The following FMNL1 variants were observed in gnomAD, a reference collection of about 807,000 sequenced individuals.
FMNL1 encodes the protein formin-like protein 1.
Under a neutral mutation model 121.3 loss-of-function variants are expected in FMNL1, and 43 were observed. The ratio of observed to expected loss-of-function variants is 0.35; its 90% CI spans 0.28 to 0.46. The LOEUF (loss-of-function observed/expected upper bound fraction) is 0.46, where lower values mean the gene tolerates loss of function less well. Ranked by LOEUF, FMNL1 falls within the 20% of genes least tolerant of loss-of-function variation. The probability of loss-of-function intolerance (pLI) is 1.00; values close to 1 mark genes in which losing one functional copy is unlikely to be tolerated. For synonymous variants in FMNL1, 613 were observed against 613.5 expected (o/e 1.00, Z 0.01); for missense variants, 1,191 against 1,482.4 (o/e 0.80, Z 3.23).
In FMNL1 at chr17:45,245,671, C is replaced by T. The variant is rs1316660672; in HGVS notation, c.2932C>T (p.Pro978Ser). The change falls in exon 23 of 27, where the codon CCC becomes TCC. Residue 978 changes from proline (P) to serine (S), a missense_variant. By Grantham distance (74) the Pro-to-Ser change is moderately conservative. Around this residue, in one of 4 missense-constraint regions of FMNL1, gnomAD observed 367 missense variants for 528.6 expected, o/e 0.69. Coordinates refer to ENST00000331495, the MANE Select transcript of FMNL1 (RefSeq NM_005892.4). ...ESVVEYFGEN[P>S]KTTSPGLFFS... is the part of the protein sequence containing the mutation. ...TGTGGTGGAGTACTTCGGAGAGAACCCCAAGACCACATCCCCAGGCCTGTT... is the reference window on the plus strand; with the variant it reads ...TGTGGTGGAGTACTTCGGAGAGAACTCCAAGACCACATCCCCAGGCCTGTT... 6.2e-7 allele frequency: 1 copy of T among 1,614,012 alleles called. No homozygotes were observed. The highest frequency in any genetic ancestry group is 8.5e-7 in the Non-Finnish European group (1 of 1,179,996).
intron 2 of FMNL1, 84 bp downstream of exon 2, chr17:45,230,771 G>A: frequency 3.5e-6 from 5 of 1,422,294 alleles, no homozygotes; most frequent in Non-Finnish European, 4.8e-6. Flanking sequence ...GGGGAGAGGG[G>A]CACCGCCATA....
In FMNL1 at chr17:45,247,038, G is replaced by T. The variant is rs41280090; in HGVS notation, c.*180G>T. The T allele has an allele frequency of 6.4e-3, 4,204 of 651,878 alleles. 28 individuals are homozygous for T. The highest frequency in any genetic ancestry group is 0.015 in the Admixed American group (659 of 45,320). The allele number at this position is 651,878 out of a possible 1,614,324, so 40.4% of individuals were successfully genotyped here. ...GGACAGGCTGAGGCTCAAGGAAGGTGGTCCTCAGCTCGGCTGGCCGGGCAG... is the reference window on the plus strand; with the variant it reads ...GGACAGGCTGAGGCTCAAGGAAGGTTGTCCTCAGCTCGGCTGGCCGGGCAG... On this transcript the variant is annotated 3_prime_UTR_variant, in exon 27 of 27. Transcript: ENST00000331495.
In FMNL1 at chr17:45,245,379, C is replaced by T; in HGVS notation, c.2855C>T (p.Thr952Ile). 2 of 1,614,198 alleles carry T rather than the reference C, an allele frequency of 1.2e-6. No individual in the cohort carries two copies. Among genetic ancestry groups the T allele is most frequent in the Non-Finnish European group, 1.7e-6 (2 of 1,180,030 alleles). The change falls in exon 22 of 27, where the codon ACC (threonine) becomes ATC (isoleucine). Residue 952 changes from threonine to isoleucine, a missense_variant. Thr to Ile is a moderately conservative substitution (Grantham distance 89, BLOSUM62 -1). Coordinates refer to ENST00000331495, the MANE Select transcript of FMNL1 (RefSeq NM_005892.4). ...GAGTTCCTGAGGGCCAACTCGCCCA[C>T]CATGGACAAGCTGCTGGCAGACAGC... Reference protein sequence around the residue: ...LKEFLRANSPTMDKLLADSKT... With the variant: ...LKEFLRANSPIMDKLLADSKT...
At position 45,242,351 on chromosome 17, in the gene FMNL1, C is replaced by T. The variant is rs570035270; in HGVS notation, c.1896C>T (p.Ala632=). The T allele has an allele frequency of 1.2e-6, 2 of 1,613,998 alleles. No individual in the cohort carries two copies. The highest frequency in any genetic ancestry group is 2.2e-5 in the South Asian group (2 of 91,066). Residue 632 remains alanine, a synonymous_variant, in exon 16 of 27, where the codon GCC becomes GCT. Transcript: ENST00000331495. The stretch of plus-strand genomic sequence containing the variant: ...AAACCCCCGTCCCAGGAGTGAAGGC[C>T]AAGAAGCCCATCCAGACTAAGTTCC... ...RDSELGPGVK[A]KKPIQTKFRM... is the part of the protein sequence containing the mutation.
intron 11 of FMNL1, among the ~76,000 whole-genome samples, chr17:45,239,842 C>T (rs1430869611): frequency 6.9e-6 from 1 of 144,340 alleles, no homozygotes; most frequent in South Asian, 2.1e-4. Flanking sequence ...GTTGCCCAGG[C>T]TAGAGTGCAG....
At position 45,244,162 on chromosome 17, in the gene FMNL1, C is replaced by A. The variant is rs759658007; in HGVS notation, c.2449-14C>A. The A allele has an allele frequency of 1.9e-6, 3 of 1,612,484 alleles. No individual in the cohort carries two copies. The highest frequency in any genetic ancestry group is 1.7e-6 in the Non-Finnish European group (2 of 1,179,386). ...AGGCTCCAACTTATCTTACCTCCCC[C>A]ATCCCACCCCCAGCAACTGAATGCC... is the stretch of plus-strand genomic sequence containing the variant. On this transcript the variant is annotated splice_polypyrimidine_tract_variant and intron_variant, in intron 18 of 26. Coordinates refer to ENST00000331495, the MANE Select transcript of FMNL1 (RefSeq NM_005892.4).
At chr17:45,234,259 G>A (rs780849007) in intron 6 of FMNL1, 59 bp downstream of exon 6, 4 of 1,612,130 alleles carry the variant, frequency 2.5e-6, no homozygotes, top group Non-Finnish European at 3.4e-6. Flanking sequence ...CCACACTGCT[G>A]CATCTAGCCA....
At chr17:45,224,127 A>G (rs908681079) in intron 1 of FMNL1, among the ~76,000 whole-genome samples, 7 of 152,170 alleles carry the variant, frequency 4.6e-5, no homozygotes, top group African/African-American at 1.7e-4. Flanking sequence ...CCAGGTGCCC[A>G]GGAACCCCAG....
chr17:45,238,871 G>A, intron 10 of FMNL1, 84 bp from the exon 11 acceptor site: 2 of 1,225,768 alleles, frequency 1.6e-6, no homozygotes, highest in Non-Finnish European at 1.2e-6. Flanking sequence ...GGAGAAGGAG[G>A]GAGGCTTGGG....
chr17:45,233,036 G>T lies in FMNL1; in HGVS notation c.328-188G>T. ...GTACCCTGCTTGTCTATGTATGGGGGAGCACATGTAGCCTGTGAGTTCTTA... is the reference window on the plus strand; with the variant it reads ...GTACCCTGCTTGTCTATGTATGGGGTAGCACATGTAGCCTGTGAGTTCTTA... On this transcript the variant is annotated intron_variant, in intron 3 of 26. Coordinates refer to ENST00000331495, the MANE Select transcript of FMNL1 (RefSeq NM_005892.4). The surrounding 1 kb of genome is among the most constrained non-coding windows in gnomAD (Gnocchi z 4.1). The T allele has an allele frequency of 1.5e-6, 1 of 685,952 alleles. No individual in the cohort carries two copies. The highest frequency in any genetic ancestry group is 2.7e-6 in the Non-Finnish European group (1 of 375,386). 42.5% of individuals were successfully genotyped at this position (685,952 alleles called of 1,614,324 possible).
intron 1 of FMNL1, among the ~76,000 whole-genome samples, chr17:45,223,605 C>T (rs528969843): frequency 6.6e-6 from 1 of 152,128 alleles, no homozygotes; most frequent in Non-Finnish European, 1.5e-5. Flanking sequence ...CCCTGCTCCC[C>T]GCTCCCCAAG....
At chr17:45,228,132 G>A (rs1430273395) in intron 1 of FMNL1, among the ~76,000 whole-genome samples, 3 of 152,166 alleles carry the variant, frequency 2.0e-5, no homozygotes, top group Non-Finnish European at 2.9e-5. Flanking sequence ...ACTCCACCCC[G>A]AGTGAGTGGC....
At chr17:45,238,259 G>A (rs2043595143) in intron 9 of FMNL1, 1 of 323,860 alleles carries the variant, frequency 3.1e-6, no homozygotes, top group Non-Finnish European at 5.8e-6. Flanking sequence ...CTGAGCAAGT[G>A]AGATTTCAGC....
chr17:45,224,786 G>C (rs1025184450), intron 1 of FMNL1, among the ~76,000 whole-genome samples: 3 of 152,222 alleles, frequency 2.0e-5, no homozygotes, highest in African/African-American at 7.2e-5. Flanking sequence ...AGAAAGAGCA[G>C]GTTGAGCCAG....
chr17:45,237,946 T>G lies in FMNL1; in HGVS notation c.894+307T>G. 2 of 316,458 alleles carry G rather than the reference T, an allele frequency of 6.3e-6. No homozygotes were observed. The highest frequency in any genetic ancestry group is 8.1e-5 in the South Asian group (2 of 24,826). The allele number at this position is 316,458 out of a possible 1,614,324, so 19.6% of individuals were successfully genotyped here. A position where few individuals can be genotyped will look rare whatever the true frequency, so the allele number is the denominator to read the frequency against. ...AGCCTTGGTTCATACCTCCAGGAGTTGCGGACTCTGGCTAACAGGCTTGCA... is the reference window on the plus strand; with the variant it reads ...AGCCTTGGTTCATACCTCCAGGAGTGGCGGACTCTGGCTAACAGGCTTGCA... On this transcript the variant is annotated intron_variant, in intron 9 of 26. Transcript: ENST00000331495. This position sits in a 1 kb window ranked among gnomAD's most constrained non-coding sequence, Gnocchi z 4.4.
At position 45,238,951 on chromosome 17, in the gene FMNL1, C is replaced by T; in HGVS notation, c.970-4C>T. 1 of 1,613,666 alleles carries T rather than the reference C, an allele frequency of 6.2e-7. No individual in the cohort carries two copies. Among genetic ancestry groups the T allele is most frequent in the Non-Finnish European group, 8.5e-7 (1 of 1,179,594 alleles). On this transcript the variant is annotated splice_polypyrimidine_tract_variant and splice_region_variant and intron_variant, in intron 10 of 26. Coordinates refer to ENST00000331495, the MANE Select transcript of FMNL1 (RefSeq NM_005892.4). ...ATAGATCTCCCCATGTCCCTGGCTCCCAGGTGGCCTGCATGCAGTTCATCA... is the reference window on the plus strand; with the variant it reads ...ATAGATCTCCCCATGTCCCTGGCTCTCAGGTGGCCTGCATGCAGTTCATCA...
chr17:45,237,248 T>TCCTGGAGACA lies in FMNL1; in HGVS notation c.724-31_724-22dup. The TCCTGGAGACA allele has an allele frequency of 6.2e-7, 1 of 1,611,040 alleles. No homozygotes were observed. The highest frequency in any genetic ancestry group is 8.5e-7 in the Non-Finnish European group (1 of 1,177,218). ...GGTGCCTGAAGTCCTGGGGGGCCCT[T>TCCTGGAGACA]CCTGGAGACACTGACCTCTCCTCTC... On this transcript the variant is annotated intron_variant, in intron 7 of 26. Coordinates refer to ENST00000331495, the MANE Select transcript of FMNL1 (RefSeq NM_005892.4). The surrounding 1 kb of genome is among the most constrained non-coding windows in gnomAD (Gnocchi z 4.4).
chr17:45,233,506 C>T lies in FMNL1; in HGVS notation c.402-142C>T. On this transcript the variant is annotated intron_variant, in intron 4 of 26. Transcript: ENST00000331495. The surrounding 1 kb of genome is among the most constrained non-coding windows in gnomAD (Gnocchi z 4.1). ...GGCATGGCTGGGCTGTGGGACCCAC[C>T]TGAGTCTCCCAGAATCCTTTGGTAT... 9.4e-7 allele frequency: 1 copy of T among 1,060,912 alleles called. No individual in the cohort carries two copies. The allele number at this position is 1,060,912 out of a possible 1,614,324, so 65.7% of individuals were successfully genotyped here. A position where few individuals can be genotyped will look rare whatever the true frequency, so the allele number is the denominator to read the frequency against.
At chr17:45,227,722 A>G (rs2043357446) in intron 1 of FMNL1, among the ~76,000 whole-genome samples, 1 of 152,122 alleles carries the variant, frequency 6.6e-6, no homozygotes, top group Admixed American at 6.5e-5. Context: ...GTGCTTCTTC[A>G]TAGTGTTAGG....
Sources: gnomAD v4.1 joint callset for allele counts (sites outside exome capture counted in the v4.1 genomes callset) on GRCh38, gnomAD v4.1.1 for gene constraint, gnomAD v4.1.1 regional missense constraint, Gnocchi (gnomAD v3.1) non-coding constraint, MANE v1.5 for transcripts, NCBI Gene and HGNC (gene_info 2026-07-23, HGNC 2026-07-21) for gene names.